MYO3B: variants seen among roughly 807,000 people sequenced by gnomAD.
MYO3B encodes myosin IIIB.
MYO3B carries 156 observed loss-of-function variants against 174.6 expected under a neutral mutation model. That is an observed-to-expected ratio of 0.89 (90% confidence interval 0.78 to 1.02). The LOEUF (loss-of-function observed/expected upper bound fraction) is 1.02, where lower values mean the gene tolerates loss of function less well. MYO3B is among the 50% of genes least tolerant of loss of function. The probability of loss-of-function intolerance (pLI) is 0.00; values close to 1 mark genes in which losing one functional copy is unlikely to be tolerated. For missense variants in MYO3B, 1,632 were observed against 1,639.4 expected (o/e 1.00, Z 0.08); for synonymous variants, 563 against 569.1 (o/e 0.99, Z 0.15).
chr2:170,194,315 G>A (rs1193959540), intron 1 of MYO3B, among the ~76,000 whole-genome samples: 1 of 152,084 alleles, frequency 6.6e-6, no homozygotes, highest in Non-Finnish European at 1.5e-5. Context: ...GACCAGCCTG[G>A]GCTGTTAGGA....
At chr2:170,189,162 A>G (rs1407591794) in intron 1 of MYO3B, among the ~76,000 whole-genome samples, 1 of 152,070 alleles carries the variant, frequency 6.6e-6, no homozygotes, top group African/African-American at 2.4e-5. Flanking sequence ...CAATTTAAAT[A>G]TGCCGTGTCA....
chr2:170,196,240 C>T (rs771816784), intron 1 of MYO3B, among the ~76,000 whole-genome samples: 1 of 152,170 alleles, frequency 6.6e-6, no homozygotes, highest in Non-Finnish European at 1.5e-5. Context: ...GATGTGGTGG[C>T]TCATGTCTGT....
chr2:170,275,081 C>T (rs1160995387), intron 7 of MYO3B, among the ~76,000 whole-genome samples: 3 of 152,086 alleles, frequency 2.0e-5, no homozygotes, highest in African/African-American at 7.2e-5. Context: ...GAAATAAGCC[C>T]GTATTTCTGA....
At chr2:170,474,966 A>G (rs1273717683) in intron 25 of MYO3B, among the ~76,000 whole-genome samples, 4 of 152,230 alleles carry the variant, frequency 2.6e-5, no homozygotes, top group African/African-American at 9.6e-5. Context: ...AACTAAATAT[A>G]TATAGTTACT....
chr2:170,542,880 A>AATTATT (rs1690208004), intron 30 of MYO3B, 26 bp from the exon 31 acceptor site: 1 of 1,554,084 alleles, frequency 6.4e-7, no homozygotes, highest in South Asian at 1.2e-5. Flanking sequence ...AGTCTTTTAA[A>AATTATT]ATTATTATTA....
At chr2:170,495,667 C>A (rs1211970903) in intron 25 of MYO3B, among the ~76,000 whole-genome samples, 2 of 151,996 alleles carry the variant, frequency 1.3e-5, no homozygotes, top group Non-Finnish European at 2.9e-5. Flanking sequence ...CCTCTTATAT[C>A]TTTCAAGGTG....
chr2:170,551,649 AG>A (rs5836288), intron 32 of MYO3B, among the ~76,000 whole-genome samples: 116,286 of 151,200 alleles, frequency 0.77, 45,251 homozygotes, highest in African/African-American at 0.87. Flanking sequence ...GAAAGAAGAC[AG>A]ATTATAGTTG....
chr2:170,643,184 G>A (rs1698110003), intron 32 of MYO3B, among the ~76,000 whole-genome samples: 2 of 152,170 alleles, frequency 1.3e-5, no homozygotes, highest in African/African-American at 4.8e-5. Context: ...TAATCTCTTA[G>A]TCTCACTATG....
At chr2:170,529,250 G>C (rs1429564836) in intron 30 of MYO3B, among the ~76,000 whole-genome samples, 3 of 151,748 alleles carry the variant, frequency 2.0e-5, no homozygotes, top group African/African-American at 7.3e-5. Flanking sequence ...ATGATTATTG[G>C]GTATTAAGCT....
At chr2:170,454,347 G>T (rs1254207751) in intron 23 of MYO3B, among the ~76,000 whole-genome samples, 1 of 152,082 alleles carries the variant, frequency 6.6e-6, no homozygotes, top group Non-Finnish European at 1.5e-5. Context: ...CCGATAATGG[G>T]GCTACAGCTA....
rs532535996 is a variant in MYO3B, at chr2:170,265,098, C to A, written c.749+28962C>A. ...ATTATAAGCCAGAAAGCTGTTGGGGCTGGCTTTCATAATGGCACCCCATCT... is the reference window on the plus strand; with the variant it reads ...ATTATAAGCCAGAAAGCTGTTGGGGATGGCTTTCATAATGGCACCCCATCT... On this transcript the variant is annotated intron_variant, in intron 7 of 34. Transcript: ENST00000408978. Among the ~76,000 whole-genome samples, 6 of 152,278 alleles carry A rather than the reference C, an allele frequency of 3.9e-5. No individual in the cohort carries two copies. In the South Asian group the frequency reaches 1.2e-3, roughly 32 times the overall value.
chr2:170,260,635 C>A (rs776172040), intron 7 of MYO3B, among the ~76,000 whole-genome samples: 6 of 152,132 alleles, frequency 3.9e-5, no homozygotes, highest in Non-Finnish European at 8.8e-5. Flanking sequence ...CAATTGTATC[C>A]CAAACTGAAG....
intron 1 of MYO3B, among the ~76,000 whole-genome samples, chr2:170,196,005 T>G (rs1230520918): frequency 6.6e-6 from 1 of 152,188 alleles, no homozygotes; most frequent in Non-Finnish European, 1.5e-5. Flanking sequence ...TTTCTGAGAG[T>G]TGTTCATTTT....
At chr2:170,557,142 A>ATTTTTTTT in intron 32 of MYO3B, among the ~76,000 whole-genome samples, 1 of 137,560 alleles carries the variant, frequency 7.3e-6, no homozygotes, top group Non-Finnish European at 1.5e-5. Flanking sequence ...TTTTATTTTT[A>ATTTTTTTT]TTTTTATTTT....
At chr2:170,549,738 T>C (rs187753684) in intron 32 of MYO3B, among the ~76,000 whole-genome samples, 3 of 152,262 alleles carry the variant, frequency 2.0e-5, no homozygotes, top group Non-Finnish European at 4.4e-5. Context: ...GGCAAACAGA[T>C]GAGTCGGTCA....
chr2:170,253,838 T>G (rs1035097012), intron 7 of MYO3B, among the ~76,000 whole-genome samples: 5 of 135,606 alleles, frequency 3.7e-5, no homozygotes, highest in African/African-American at 1.4e-4. Flanking sequence ...CACCACTGGA[T>G]ATGACAACTC....
At chr2:170,230,365 T>TTTTTTTTGGA (rs1559318980) in intron 6 of MYO3B, among the ~76,000 whole-genome samples, 2 of 140,852 alleles carry the variant, frequency 1.4e-5, no homozygotes, top group African/African-American at 5.8e-5. Context: ...TTTTTTTTAG[T>TTTTTTTTGGA]AGAGACGGGG....
intron 22 of MYO3B, among the ~76,000 whole-genome samples, chr2:170,437,122 T>C (rs987293138): frequency 1.3e-5 from 2 of 152,120 alleles, no homozygotes; most frequent in Admixed American, 1.3e-4. Flanking sequence ...GAAGTCAACT[T>C]GTTCAAAGTC....
At position 170,555,749 on chromosome 2, in the gene MYO3B, A is replaced by G. The variant is rs557050425; in HGVS notation, c.3733+11761A>G. 3.3e-5 allele frequency among the ~76,000 whole-genome samples: 5 copies of G among 152,248 alleles called. No homozygotes were observed. In the East Asian group the frequency reaches 7.7e-4, roughly 24 times the overall value. ...TAGCCAAGTGTTTTGGTGCATGTCT[A>G]TATTCCTAGCTACATGGAAGGCTGA... is the stretch of plus-strand genomic sequence containing the variant. On this transcript the variant is annotated intron_variant, in intron 32 of 34. Transcript: ENST00000408978.
Sources: gnomAD v4.1 joint callset for allele counts (sites outside exome capture counted in the v4.1 genomes callset) on GRCh38, gnomAD v4.1.1 for gene constraint, MANE v1.5 for transcripts, NCBI Gene and HGNC (gene_info 2026-07-23, HGNC 2026-07-21) for gene names.